PHEX: variants seen among roughly 807,000 people sequenced by gnomAD.
The protein encoded by PHEX is phosphate-regulating neutral endopeptidase PHEX.
Under a neutral mutation model 68.0 loss-of-function variants are expected in PHEX, and 16 were observed. The observed-to-expected ratio is 0.24, with a 90% confidence interval of 0.16 to 0.36. The LOEUF (loss-of-function observed/expected upper bound fraction) is 0.36. PHEX is among the 10% of genes least tolerant of loss of function. PHEX has a pLI of 1.00. For synonymous variants in PHEX, 208 were observed against 205.1 expected (o/e 1.01, Z -0.12); for missense variants, 480 against 575.5 (o/e 0.83, Z 1.70).
intron 3 of PHEX, among the ~76,000 whole-genome samples, chrX:22,062,909 T>C (rs1928437224): frequency 9.0e-6 from 1 of 110,871 alleles, no homozygotes; most frequent in African/African-American, 3.3e-5. Context: ...TACAGGTGTG[T>C]GCCACCATGC....
chrX:22,118,339 C>CAAAAAAAAAAAAAAAAAAA (rs1157170753), intron 11 of PHEX, among the ~76,000 whole-genome samples: 6 of 21,121 alleles, frequency 2.8e-4, no homozygotes, highest in African/African-American at 8.5e-4. Flanking sequence ...TAAACAGCAC[C>CAAAAAAAAAAAAAAAAAAA]AAAAAAAAAA....
chrX:22,072,380 C>T (rs1184431896), intron 3 of PHEX, among the ~76,000 whole-genome samples: 1 of 111,447 alleles, frequency 9.0e-6, no homozygotes, highest in Non-Finnish European at 1.9e-5. Context: ...CACTGCACTC[C>T]AGCCTGGGCG....
chrX:22,230,229 C>CTTT (rs140475343), intron 20 of PHEX, among the ~76,000 whole-genome samples: 131 of 10,953 alleles, frequency 0.012, 23 homozygotes, highest in Non-Finnish European at 0.017. Flanking sequence ...TATATGGGCT[C>CTTT]TTTTTTTTTT....
chrX:22,232,596 C>CTTTTT (rs745474280), intron 20 of PHEX, among the ~76,000 whole-genome samples: 186 of 18,466 alleles, frequency 0.01, 22 homozygotes, highest in Non-Finnish European at 0.012. Flanking sequence ...GCCACTTCTG[C>CTTTTT]TTTTTTTTTT....
At chrX:22,223,443 A>C (rs1935334464) in intron 18 of PHEX, among the ~76,000 whole-genome samples, 1 of 111,623 alleles carries the variant, frequency 9.0e-6, no homozygotes, top group South Asian at 3.8e-4. Context: ...TCTAAATTAG[A>C]TATAAAGCTT....
At chrX:22,225,696 A>T in intron 18 of PHEX, among the ~76,000 whole-genome samples, 1 of 111,964 alleles carries the variant, frequency 8.9e-6, no homozygotes, top group Non-Finnish European at 1.9e-5. Context: ...TCTTCTTTTG[A>T]TTTTTCCCCA....
chrX:22,131,334 G>C (rs1931994574), intron 11 of PHEX, among the ~76,000 whole-genome samples: 1 of 112,376 alleles, frequency 8.9e-6, no homozygotes, highest in Admixed American at 9.4e-5. Flanking sequence ...AGCCCCTGCG[G>C]CCAGCTCTCA....
At chrX:22,084,472 G>T (rs1239545224) in intron 5 of PHEX, among the ~76,000 whole-genome samples, 1 of 107,934 alleles carries the variant, frequency 9.3e-6, no homozygotes, top group Non-Finnish European at 1.9e-5. Context: ...TTGTGTCCTT[G>T]TGCAGTTTTG....
In PHEX at chrX:22,226,445, C is replaced by G. The variant is rs1427640835; in HGVS notation, c.1902C>G (p.Val634=). 2.5e-6 allele frequency: 3 copies of G among 1,192,698 alleles called. No homozygotes were observed. Among genetic ancestry groups the G allele is most frequent in the Admixed American group, 2.2e-5 (1 of 45,043 alleles). Reference sequence around the variant, plus strand: ...TTTTCCTTTTTTCTTTCTGTTAGGTCAAGGGGAAGAGGACCCTGGGAGAAA... The same window carrying G: ...TTTTCCTTTTTTCTTTCTGTTAGGTGAAGGGGAAGAGGACCCTGGGAGAAA... ...NYYWKKAGLN[V]KGKRTLGENI... is the part of the protein sequence containing the mutation. The change falls in exon 19 of 22, where the codon GTC becomes GTG. Residue 634 remains valine, a splice_region_variant and synonymous_variant. Coordinates refer to ENST00000379374, the MANE Select transcript of PHEX (RefSeq NM_000444.6).
chrX:22,174,180 A>G (rs770474303), intron 13 of PHEX, among the ~76,000 whole-genome samples: 1 of 112,101 alleles, frequency 8.9e-6, no homozygotes, highest in African/African-American at 3.2e-5. Flanking sequence ...AGGTCACGCA[A>G]TTGAAAAGTC....
chrX:22,085,537 T>A (rs1929590738), intron 5 of PHEX, among the ~76,000 whole-genome samples: 1 of 104,222 alleles, frequency 9.6e-6, no homozygotes, highest in Non-Finnish European at 2.0e-5. Context: ...ATCATGCCAC[T>A]GCACTCCAGC....
At chrX:22,242,983 G>C in intron 20 of PHEX, among the ~76,000 whole-genome samples, 1 of 111,370 alleles carries the variant, frequency 9.0e-6, no homozygotes, top group African/African-American at 3.3e-5. Context: ...GACAGTCCTG[G>C]GCAAGAAGAA....
intron 11 of PHEX, among the ~76,000 whole-genome samples, chrX:22,127,105 C>T (rs1004439878): frequency 4.6e-5 from 5 of 109,872 alleles, no homozygotes; most frequent in African/African-American, 1.7e-4. Context: ...CTCCTGACCT[C>T]AGGTGATTCG....
chrX:22,036,956 G>A (rs1278516962), intron 1 of PHEX, among the ~76,000 whole-genome samples: 6 of 107,865 alleles, frequency 5.6e-5, no homozygotes, highest in East Asian at 2.9e-4. Context: ...AAAATTAGCC[G>A]GGCGTGGTGG....
At chrX:22,136,037 ATT>A (rs72378507) in intron 12 of PHEX, among the ~76,000 whole-genome samples, 34,320 of 101,206 alleles carry the variant, frequency 0.34, 4,456 homozygotes, top group Middle Eastern at 0.4. Context: ...GAAGATGTAA[ATT>A]TTTTTTTTTT....
At chrX:22,085,737 A>C (rs1929602552) in intron 5 of PHEX, among the ~76,000 whole-genome samples, 1 of 111,861 alleles carries the variant, frequency 8.9e-6, no homozygotes, top group African/African-American at 3.3e-5. Context: ...TCTATCCTGG[A>C]GAATGTTCCA....
chrX:22,114,419 T>C (rs889459530), intron 10 of PHEX, 39 bp from the exon 11 acceptor site: 2 of 1,190,204 alleles, frequency 1.7e-6, no homozygotes, highest in African/African-American at 3.5e-5. Flanking sequence ...ATGGGTTTTA[T>C]CCAAATGAAG....
intron 16 of PHEX, among the ~76,000 whole-genome samples, chrX:22,214,930 G>T (rs1935038302): frequency 1.8e-5 from 2 of 111,309 alleles, no homozygotes; most frequent in Admixed American, 1.9e-4. Context: ...GACTCAATTT[G>T]CCCTGCTTTT....
At chrX:22,223,272 G>C (rs370020865) in intron 18 of PHEX, among the ~76,000 whole-genome samples, 54 of 111,585 alleles carry the variant, frequency 4.8e-4, no homozygotes, top group South Asian at 7.5e-4. Context: ...GAGCTCAGAT[G>C]GGGCACTACA....
Sources: allele counts gnomAD v4.1 joint callset (sites outside exome capture counted in the v4.1 genomes callset), GRCh38; gene constraint gnomAD v4.1.1; transcripts MANE v1.5; gene names NCBI Gene and HGNC (gene_info 2026-07-23, HGNC 2026-07-21).